GLIS3: variants seen among roughly 807,000 people sequenced by gnomAD.
GLIS3 encodes the protein zinc finger protein GLIS3.
Under a neutral mutation model 78.6 loss-of-function variants are expected in GLIS3, and 53 were observed. The observed-to-expected ratio is 0.67, with a 90% CI of 0.54 to 0.85. The LOEUF (loss-of-function observed/expected upper bound fraction) is 0.85, where lower values mean the gene tolerates loss of function less well. Ranked by LOEUF, GLIS3 falls within the 40% of genes least tolerant of loss-of-function variation. The pLI is 0.00. For missense variants in GLIS3, 1,703 were observed against 1,231.1 expected (o/e 1.38, Z -5.74); for synonymous variants, 684 against 509.9 (o/e 1.34, Z -4.60).
At chr9:4,191,915 A>T (rs1818366413) in intron 2 of GLIS3, among the ~76,000 whole-genome samples, 1 of 152,128 alleles carries the variant, frequency 6.6e-6, no homozygotes, top group Non-Finnish European at 1.5e-5. Flanking sequence ...CAAGAGAAAC[A>T]AATTAGATAA....
chr9:4,289,633 G>A (rs955286458), intron 1 of GLIS3, among the ~76,000 whole-genome samples: 2 of 151,846 alleles, frequency 1.3e-5, no homozygotes, highest in African/African-American at 4.8e-5. Flanking sequence ...GTTCTCCATC[G>A]AACTACTCTA....
At chr9:4,446,095 GC>G in the GLIS3 span, among the ~76,000 whole-genome samples, 1 of 152,178 alleles carries the variant, frequency 6.6e-6, no homozygotes, top group East Asian at 1.9e-4. Context: ...GTCAAAACCA[GC>G]CCATGGTTTA....
intron 2 of GLIS3, among the ~76,000 whole-genome samples, chr9:4,148,893 C>T (rs1834444444): frequency 6.6e-6 from 1 of 152,252 alleles, no homozygotes; most frequent in African/African-American, 2.4e-5. Context: ...CTCTCTCCTC[C>T]ACAGGCTGAC....
chr9:4,066,545 T>A (rs1827114156), intron 4 of GLIS3, among the ~76,000 whole-genome samples: 1 of 152,170 alleles, frequency 6.6e-6, no homozygotes, highest in Non-Finnish European at 1.5e-5. Flanking sequence ...TCTGACCAGG[T>A]AATGTAAAAC....
intron 7 of GLIS3, among the ~76,000 whole-genome samples, chr9:3,885,896 C>G (rs1822042726): frequency 6.6e-6 from 1 of 152,170 alleles, no homozygotes; most frequent in African/African-American, 2.4e-5. Flanking sequence ...AGAATCTTAG[C>G]CTTAGCTATT....
At chr9:4,305,022 T>C (rs1587373879), upstream of GLIS3, among the ~76,000 whole-genome samples, 1 of 152,108 alleles carries the variant, frequency 6.6e-6, no homozygotes, top group African/African-American at 2.4e-5. Context: ...TGCCCCAAGC[T>C]CATGATCTAC....
chr9:3,908,717 T>TG (rs1340363997), intron 6 of GLIS3, among the ~76,000 whole-genome samples: 4 of 145,092 alleles, frequency 2.8e-5, no homozygotes, highest in African/African-American at 5.1e-5. Context: ...TTTTTTTTTT[T>TG]TTTTTTTTTT....
the GLIS3 span, among the ~76,000 whole-genome samples, chr9:4,445,143 G>A: frequency 1.3e-5 from 2 of 152,132 alleles, no homozygotes; most frequent in Non-Finnish European, 2.9e-5. Flanking sequence ...AGAAGGCACA[G>A]GATTTGTTTC....
At chr9:4,314,529 G>A (rs1232663757) in intron 2 of GLIS3, among the ~76,000 whole-genome samples, 1 of 152,152 alleles carries the variant, frequency 6.6e-6, no homozygotes, top group East Asian at 1.9e-4. Flanking sequence ...GTGGTCTTCA[G>A]GCAAAAAAGA....
chr9:4,118,695 G>A lies in GLIS3; in HGVS notation c.783C>T (p.Ser261=). The A allele has an allele frequency of 6.2e-7, 1 of 1,614,058 alleles. No individual in the cohort carries two copies. The highest frequency in any genetic ancestry group is 8.5e-7 in the Non-Finnish European group (1 of 1,180,014). The change falls in exon 4 of 11, where the codon TCC becomes TCT. Residue 261 remains serine, a synonymous_variant. Transcript: ENST00000381971. This position sits in a 1 kb window ranked among gnomAD's most constrained non-coding sequence, Gnocchi z 4.7. ...LLSLPPGTSM[S]SNSVSNSLPS... is the part of the protein sequence containing the mutation. ...GTAATGAGTTAGAGACACTATTGCT[G>A]GACATGGATGTCCCGGGAGGAAGGC...
At chr9:4,001,629 T>G (rs1200949975) in intron 4 of GLIS3, among the ~76,000 whole-genome samples, 3 of 152,260 alleles carry the variant, frequency 2.0e-5, no homozygotes, top group African/African-American at 7.2e-5. Flanking sequence ...AGATTTCAAA[T>G]TAAGCCTTCT....
chr9:3,843,840 G>C (rs1818871566), intron 9 of GLIS3, among the ~76,000 whole-genome samples: 1 of 152,214 alleles, frequency 6.6e-6, no homozygotes, highest in Non-Finnish European at 1.5e-5. Context: ...GGATGTGTGA[G>C]ATGAGGTTGG....
chr9:4,350,154 C>T (rs961872457), upstream of GLIS3, among the ~76,000 whole-genome samples: 21 of 152,148 alleles, frequency 1.4e-4, no homozygotes, highest in African/African-American at 4.8e-4. Context: ...CAGAGAAGAC[C>T]GAGAGCTATC....
intron 2 of GLIS3, among the ~76,000 whole-genome samples, chr9:4,199,010 C>T (rs1339427948): frequency 6.6e-6 from 1 of 152,118 alleles, no homozygotes; most frequent in Non-Finnish European, 1.5e-5. Flanking sequence ...AACAAGCAAG[C>T]CCTAAGGGAA....
intron 2 of GLIS3, among the ~76,000 whole-genome samples, chr9:4,178,419 T>C (rs148746949): frequency 2.3e-3 from 348 of 152,244 alleles, no homozygotes; most frequent in Non-Finnish European, 3.5e-3. Context: ...ATGTGACTCT[T>C]ATGGCAATGA....
At chr9:4,417,748 C>T in the GLIS3 span, among the ~76,000 whole-genome samples, 86 of 152,318 alleles carry the variant, frequency 5.6e-4, no homozygotes, top group East Asian at 0.013. Context: ...TGTGAGAATT[C>T]CTGTTTCACC....
chr9:4,182,547 T>C (rs535581660), intron 2 of GLIS3, among the ~76,000 whole-genome samples: 2 of 152,222 alleles, frequency 1.3e-5, no homozygotes, highest in South Asian at 2.1e-4. Flanking sequence ...GAAAAGATGA[T>C]GAGAAAGCAT....
intron 4 of GLIS3, among the ~76,000 whole-genome samples, chr9:4,009,247 G>A (rs962766384): frequency 2.6e-5 from 4 of 152,084 alleles, no homozygotes; most frequent in East Asian, 1.9e-4. Context: ...CACCTCCCTC[G>A]CACAGCCCGT....
At chr9:3,988,851 G>A (rs1819987708) in intron 4 of GLIS3, among the ~76,000 whole-genome samples, 1 of 152,072 alleles carries the variant, frequency 6.6e-6, no homozygotes. Context: ...AGGATTTAGA[G>A]TTAGGCAAAG....
Sources: gnomAD v4.1 joint callset for allele counts (sites outside exome capture counted in the v4.1 genomes callset) on GRCh38, gnomAD v4.1.1 for gene constraint, Gnocchi (gnomAD v3.1) non-coding constraint, MANE v1.5 for transcripts, NCBI Gene and HGNC (gene_info 2026-07-23, HGNC 2026-07-21) for gene names.